The following SLAIN2 variants were observed in gnomAD, a reference collection of about 807,000 sequenced individuals.
SLAIN2 encodes the protein SLAIN motif-containing protein 2.
A neutral mutation model predicts 56.6 loss-of-function variants in SLAIN2; 31 were observed. The ratio of observed to expected loss-of-function variants is 0.55; its 90% CI spans 0.41 to 0.74. SLAIN2 has a LOEUF of 0.74. Ranked by LOEUF, SLAIN2 falls within the 30% of genes least tolerant of loss-of-function variation. The pLI is 0.00. For missense variants in SLAIN2, 777 were observed against 754.2 expected, an observed-to-expected ratio of 1.03 and a Z score of -0.35; for synonymous variants, 317 against 284.9, an observed-to-expected ratio of 1.11 and a Z score of -1.13.
In SLAIN2 at chr4:48,424,236, A is replaced by G. The variant is rs1361557556; in HGVS notation, c.*2159A>G. On this transcript the variant is annotated 3_prime_UTR_variant, in exon 8 of 8. Coordinates refer to ENST00000264313, the MANE Select transcript of SLAIN2 (RefSeq NM_020846.2). ...ATTTTACCTGCTGTTGTACTACCAC[A>G]GACTGTTGACTTTTAGTTTCTTAAA... 6.6e-6 allele frequency: 1 copy of G among 152,108 alleles called. No homozygotes were observed. Among genetic ancestry groups the G allele is most frequent in the Non-Finnish European group, 1.5e-5 (1 of 68,000 alleles). The allele number at this position is 152,108 out of a possible 1,614,324, so 9.4% of individuals were successfully genotyped here.
intron 1 of SLAIN2, among the ~76,000 whole-genome samples, chr4:48,368,051 C>T (rs1196763098): frequency 8.1e-4 from 72 of 88,804 alleles, no homozygotes; most frequent in African/African-American, 1.1e-3. Flanking sequence ...GTTTTTGAGG[C>T]TTTTTTTTTT....
intron 1 of SLAIN2, among the ~76,000 whole-genome samples, chr4:48,350,378 G>A (rs1398033772): frequency 3.9e-5 from 6 of 152,142 alleles, no homozygotes; most frequent in Non-Finnish European, 8.8e-5. Context: ...CTTCTGCTAG[G>A]AACATATCTA....
intron 2 of SLAIN2, among the ~76,000 whole-genome samples, chr4:48,370,267 A>C (rs1715629508): frequency 6.6e-6 from 1 of 152,202 alleles, no homozygotes; most frequent in Admixed American, 6.5e-5. Context: ...GCTTTTTTCT[A>C]ATACAAGTTA....
At chr4:48,356,282 T>A (rs1715151709) in intron 1 of SLAIN2, among the ~76,000 whole-genome samples, 1 of 152,228 alleles carries the variant, frequency 6.6e-6, no homozygotes, top group Admixed American at 6.5e-5. Flanking sequence ...TATATGTATA[T>A]ATTATATATG....
intron 6 of SLAIN2, among the ~76,000 whole-genome samples, chr4:48,389,137 T>C (rs1716170514): frequency 6.6e-6 from 1 of 152,140 alleles, no homozygotes; most frequent in Admixed American, 6.5e-5. Flanking sequence ...TGTAATGTGC[T>C]AATCTAAGAA....
At chr4:48,371,149 A>C (rs1187139869) in intron 2 of SLAIN2, among the ~76,000 whole-genome samples, 3 of 145,908 alleles carry the variant, frequency 2.1e-5, no homozygotes, top group African/African-American at 7.7e-5. Flanking sequence ...TCTGTTGCCC[A>C]GGCTGGAGTG....
intron 6 of SLAIN2, chr4:48,394,734 T>C (rs1220916565): frequency 2.7e-6 from 3 of 1,112,732 alleles, no homozygotes; most frequent in South Asian, 2.9e-5. Context: ...ACTGAGTCAG[T>C]GGTGTCTGTA....
intron 1 of SLAIN2, among the ~76,000 whole-genome samples, chr4:48,349,093 C>A (rs557110612): frequency 6.6e-6 from 1 of 152,244 alleles, no homozygotes; most frequent in East Asian, 1.9e-4. Flanking sequence ...GATTTTCTTT[C>A]CTTTGTGAAA....
intron 1 of SLAIN2, among the ~76,000 whole-genome samples, chr4:48,342,598 G>A (rs1398766695): frequency 1.3e-5 from 2 of 151,728 alleles, no homozygotes; most frequent in Admixed American, 1.3e-4. Context: ...TGCAGCGGTT[G>A]GTGTTTGGGA....
intron 1 of SLAIN2, among the ~76,000 whole-genome samples, chr4:48,358,878 G>A (rs1214187691): frequency 1.3e-5 from 2 of 151,636 alleles, no homozygotes; most frequent in East Asian, 1.9e-4. Context: ...CCGCAGCCAC[G>A]ACTGGCTAAT....
chr4:48,342,230 G>C, intron 1 of SLAIN2, 102 bp downstream of exon 1: 1 of 1,290,366 alleles, frequency 7.7e-7, no homozygotes, highest in East Asian at 3.1e-5. Context: ...TTGTGTAGCC[G>C]GGTCCGCTCT....
chr4:48,362,915 G>T (rs1715373328), intron 1 of SLAIN2, among the ~76,000 whole-genome samples: 4 of 88,552 alleles, frequency 4.5e-5, no homozygotes, highest in Non-Finnish European at 2.2e-5. Flanking sequence ...GCGGCCTTCC[G>T]CAGTGTTTGT....
At chr4:48,396,448 T>A (rs1282751749) in intron 6 of SLAIN2, among the ~76,000 whole-genome samples, 1 of 152,184 alleles carries the variant, frequency 6.6e-6, no homozygotes, top group Admixed American at 6.5e-5. Flanking sequence ...AAGGTAAGAT[T>A]TAAAATATTA....
At chr4:48,368,002 T>TG (rs1448867335) in intron 1 of SLAIN2, among the ~76,000 whole-genome samples, 1 of 149,976 alleles carries the variant, frequency 6.7e-6, no homozygotes, top group Non-Finnish European at 1.5e-5. Flanking sequence ...TTCATATAAA[T>TG]GGATTCTTAT....
At chr4:48,398,596 C>A (rs559744823) in intron 6 of SLAIN2, among the ~76,000 whole-genome samples, 2 of 152,152 alleles carry the variant, frequency 1.3e-5, no homozygotes, top group Non-Finnish European at 2.9e-5. Context: ...ATAGTATTGC[C>A]TAGGTTTTCT....
chr4:48,394,633 A>C lies in SLAIN2; in HGVS notation c.1360+10849A>C, dbSNP rs1228301993. On this transcript the variant is annotated intron_variant, in intron 6 of 7. Coordinates refer to ENST00000264313, the MANE Select transcript of SLAIN2 (RefSeq NM_020846.2). ...TCCCTCAAAGCCAAACAGTTGCTTC[A>C]AACTTCATCTACAAAAAGAGGTAAC... The C allele has an allele frequency of 2.6e-6, 4 of 1,535,838 alleles. No individual in the cohort carries two copies. The African/African-American group carries it at 5.5e-5, about 21-fold the overall frequency.
At chr4:48,371,329 T>C (rs1715659154) in intron 2 of SLAIN2, among the ~76,000 whole-genome samples, 1 of 152,116 alleles carries the variant, frequency 6.6e-6, no homozygotes, top group African/African-American at 2.4e-5. Flanking sequence ...CGCCTCAGCC[T>C]CCCAATCTGC....
At chr4:48,414,622 T>A (rs1716951451) in intron 6 of SLAIN2, among the ~76,000 whole-genome samples, 1 of 139,190 alleles carries the variant, frequency 7.2e-6, no homozygotes, top group African/African-American at 2.7e-5. Flanking sequence ...GTTAGTTACA[T>A]ATGTATACAT....
rs529324869 is a variant in SLAIN2 at position 48,403,613 on chromosome 4, G to A, written c.1361-16512G>A. Among the ~76,000 whole-genome samples the A allele has an allele frequency of 3.3e-5, 5 of 152,236 alleles. No individual in the cohort carries two copies. In the East Asian group the frequency reaches 7.7e-4, roughly 24 times the overall value. On this transcript the variant is annotated intron_variant, in intron 6 of 7. Transcript: ENST00000264313. ...CGGCCACCCTTCCTCCCAGGAGTTC[G>A]GTCTGTGTCAGGCAGTCTCCAGCCT...
Sources: gnomAD v4.1 joint callset for allele counts (sites outside exome capture counted in the v4.1 genomes callset) on GRCh38, gnomAD v4.1.1 for gene constraint, MANE v1.5 for transcripts, NCBI Gene and HGNC (gene_info 2026-07-23, HGNC 2026-07-21) for gene names.